EEFSEC: variants seen among roughly 807,000 people sequenced by gnomAD.
EEFSEC encodes selenocysteine-specific elongation factor.
A neutral mutation model predicts 42.1 loss-of-function variants in EEFSEC; 43 were observed. The observed-to-expected ratio is 1.02, with a 90% CI of 0.80 to 1.32. EEFSEC has a LOEUF of 1.32. Among genes scored for constraint, EEFSEC ranks in the 40% most tolerant of loss-of-function variants. EEFSEC has a pLI of 0.00. For missense variants in EEFSEC, 745 were observed against 803.6 expected (o/e 0.93, Z 0.88); for synonymous variants, 354 against 339.1 (o/e 1.04, Z -0.48).
intron 5 of EEFSEC, among the ~76,000 whole-genome samples, chr3:128,347,817 G>C (rs1295558164): frequency 6.6e-6 from 1 of 152,120 alleles, no homozygotes; most frequent in Non-Finnish European, 1.5e-5. Context: ...CTTGATAAAA[G>C]ATGGAATTAT....
chr3:128,383,137 C>T (rs2067796939), intron 6 of EEFSEC, among the ~76,000 whole-genome samples: 1 of 152,214 alleles, frequency 6.6e-6, no homozygotes, highest in African/African-American at 2.4e-5. Flanking sequence ...AAAAGAACAC[C>T]CCCAAACCCA....
intron 6 of EEFSEC, among the ~76,000 whole-genome samples, chr3:128,369,981 T>C (rs2067634490): frequency 6.6e-6 from 1 of 152,210 alleles, no homozygotes; most frequent in African/African-American, 2.4e-5. Flanking sequence ...TTGTCTAGGA[T>C]ACAGTCCATT....
At chr3:128,208,937 A>G (rs1027419794) in intron 1 of EEFSEC, among the ~76,000 whole-genome samples, 1 of 152,222 alleles carries the variant, frequency 6.6e-6, no homozygotes, top group Non-Finnish European at 1.5e-5. Context: ...AGGAGCATAG[A>G]TGAGAGAGAA....
rs544020583 is a variant in EEFSEC at position 128,381,482 on chromosome 3, G to A, written c.1600+23109G>A. ...GATGATGTCTCATGAGGCAAGAACA[G>A]GCTTTGGGTCAAGGCCAGGATGAGT... is the stretch of plus-strand genomic sequence containing the variant. On this transcript the variant is annotated intron_variant, in intron 6 of 6. Coordinates refer to ENST00000254730, the MANE Select transcript of EEFSEC (RefSeq NM_021937.5). Among the ~76,000 whole-genome samples the A allele has an allele frequency of 5.2e-4, 79 of 152,366 alleles. 1 individual carries two copies. Among genetic ancestry groups the A allele is most frequent in the African/African-American group, 1.7e-3 (72 of 41,592 alleles).
At chr3:128,181,019 G>A (rs146809067) in intron 1 of EEFSEC, among the ~76,000 whole-genome samples, 37 of 152,284 alleles carry the variant, frequency 2.4e-4, no homozygotes, top group African/African-American at 7.7e-4. Flanking sequence ...GTAGCAAGTT[G>A]CCCTTTTGCC....
chr3:128,206,784 GAC>G (rs2107825567), intron 1 of EEFSEC, among the ~76,000 whole-genome samples: 1 of 152,346 alleles, frequency 6.6e-6, no homozygotes, highest in East Asian at 1.9e-4. Context: ...AGGATGCTGA[GAC>G]ACAGACAGTG....
chr3:128,160,854 G>T (rs1292135057), intron 1 of EEFSEC, among the ~76,000 whole-genome samples: 1 of 152,058 alleles, frequency 6.6e-6, no homozygotes, highest in Admixed American at 6.6e-5. Context: ...GAGAAAATTG[G>T]GTTTTATCTC....
At chr3:128,369,699 G>A (rs1241362863) in intron 6 of EEFSEC, among the ~76,000 whole-genome samples, 3 of 152,186 alleles carry the variant, frequency 2.0e-5, no homozygotes, top group African/African-American at 7.2e-5. Flanking sequence ...CATCAGTAAG[G>A]TGGGTTATCT....
chr3:128,424,876 G>A, the EEFSEC span, among the ~76,000 whole-genome samples: 15 of 152,052 alleles, frequency 9.9e-5, no homozygotes, highest in East Asian at 2.9e-3. Flanking sequence ...CTCATCTTCT[G>A]TGGGCCAGTT....
intron 1 of EEFSEC, among the ~76,000 whole-genome samples, chr3:128,176,354 A>G (rs965291950): frequency 6.6e-6 from 1 of 152,070 alleles, no homozygotes; most frequent in African/African-American, 2.4e-5. Context: ...GATCGGCTGT[A>G]AAATTGTGAG....
At chr3:128,231,011 C>T (rs1277808368) in intron 1 of EEFSEC, among the ~76,000 whole-genome samples, 1 of 152,178 alleles carries the variant, frequency 6.6e-6, no homozygotes, top group Non-Finnish European at 1.5e-5. Flanking sequence ...CCAGCATTGG[C>T]TCCTGGCTCC....
chr3:128,182,818 A>G (rs569767734), intron 1 of EEFSEC, among the ~76,000 whole-genome samples: 1 of 137,278 alleles, frequency 7.3e-6, no homozygotes, highest in Non-Finnish European at 1.5e-5. Context: ...TGCTGCTAGC[A>G]GAGACCTGGC....
At chr3:128,318,340 G>A (rs946479400) in intron 4 of EEFSEC, among the ~76,000 whole-genome samples, 1 of 152,238 alleles carries the variant, frequency 6.6e-6, no homozygotes, top group East Asian at 1.9e-4. Context: ...GGTGGACTGA[G>A]TGACTGTTTT....
intron 6 of EEFSEC, among the ~76,000 whole-genome samples, chr3:128,376,259 A>C (rs1325499895): frequency 6.6e-6 from 1 of 152,194 alleles, no homozygotes; most frequent in East Asian, 1.9e-4. Context: ...ATCCCCAAGG[A>C]AAACCAGGGG....
chr3:128,218,303 C>G (rs941579099), intron 1 of EEFSEC, among the ~76,000 whole-genome samples: 2 of 152,198 alleles, frequency 1.3e-5, no homozygotes, highest in Non-Finnish European at 2.9e-5. Context: ...CCGGAAACAG[C>G]TGGTAACAGG....
chr3:128,174,580 G>A (rs1262328574), intron 1 of EEFSEC, among the ~76,000 whole-genome samples: 1 of 152,220 alleles, frequency 6.6e-6, no homozygotes, highest in Non-Finnish European at 1.5e-5. Flanking sequence ...GAGTCAGGAA[G>A]ATTGAAATTG....
At chr3:128,271,496 G>A (rs757213299) in intron 4 of EEFSEC, among the ~76,000 whole-genome samples, 8 of 152,200 alleles carry the variant, frequency 5.3e-5, no homozygotes, top group South Asian at 2.1e-4. Context: ...GGAAGCTTAC[G>A]GGATTCTGCT....
chr3:128,393,795 G>C (rs1039068847), intron 6 of EEFSEC, among the ~76,000 whole-genome samples: 2 of 152,268 alleles, frequency 1.3e-5, no homozygotes, highest in Non-Finnish European at 2.9e-5. Context: ...AGTTACAGTG[G>C]GAGGTACTGA....
intron 4 of EEFSEC, among the ~76,000 whole-genome samples, chr3:128,297,664 G>C (rs1003489467): frequency 6.6e-6 from 1 of 152,210 alleles, no homozygotes. Context: ...TTTGAGTCTT[G>C]TGCAGCCTGC....
Sources: allele counts gnomAD v4.1 joint callset (sites outside exome capture counted in the v4.1 genomes callset), GRCh38; gene constraint gnomAD v4.1.1; transcripts MANE v1.5; gene names NCBI Gene and HGNC (gene_info 2026-07-23, HGNC 2026-07-21).